The following ARHGAP15 variants were observed in gnomAD, a reference collection of about 807,000 sequenced individuals.
ARHGAP15 encodes Rho GTPase activating protein 15, also known as rho GTPase-activating protein 15.
In ARHGAP15, 51 loss-of-function variants were observed where a neutral mutation model predicts 63.7. That is an observed-to-expected ratio of 0.80 (90% CI 0.64 to 1.01). The LOEUF (loss-of-function observed/expected upper bound fraction) is 1.01, where lower values mean the gene tolerates loss of function less well. Among genes scored for constraint, ARHGAP15 ranks in the 50% least tolerant of loss-of-function variants. The probability of loss-of-function intolerance (pLI) is 0.00; values close to 1 mark genes in which losing one functional copy is unlikely to be tolerated. For synonymous variants in ARHGAP15, 191 were observed against 193.8 expected, an observed-to-expected ratio of 0.99 and a Z score of 0.12; for missense variants, 560 against 564.6, an observed-to-expected ratio of 0.99 and a Z score of 0.08.
chr2:143,326,013 C>T (rs924451940), intron 6 of ARHGAP15, among the ~76,000 whole-genome samples: 1 of 152,104 alleles, frequency 6.6e-6, no homozygotes, highest in Admixed American at 6.6e-5. Flanking sequence ...TATAGGGTCT[C>T]AGTTGAAAGG....
chr2:143,259,488 G>T (rs1574167799), intron 6 of ARHGAP15, among the ~76,000 whole-genome samples: 1 of 152,242 alleles, frequency 6.6e-6, no homozygotes, highest in East Asian at 1.9e-4. Flanking sequence ...CTAAAGTAAG[G>T]ATTGTTCTAT....
At chr2:143,687,535 A>G (rs951480212) in intron 12 of ARHGAP15, among the ~76,000 whole-genome samples, 4 of 152,200 alleles carry the variant, frequency 2.6e-5, no homozygotes, top group South Asian at 2.1e-4. Context: ...AAGTGCCCCT[A>G]CGCCCAATAA....
At chr2:143,303,807 A>T (rs1211544713) in intron 6 of ARHGAP15, among the ~76,000 whole-genome samples, 1 of 152,212 alleles carries the variant, frequency 6.6e-6, no homozygotes, top group Non-Finnish European at 1.5e-5. Context: ...ATGAACAGAC[A>T]CTTCTCAAAA....
intron 12 of ARHGAP15, among the ~76,000 whole-genome samples, chr2:143,655,408 AC>A (rs1480052392): frequency 7.7e-6 from 1 of 129,872 alleles, no homozygotes; most frequent in Non-Finnish European, 1.7e-5. Flanking sequence ...GGGCCCTGCT[AC>A]ATACTGCCAG....
chr2:143,140,638 G>A (rs187942412), intron 1 of ARHGAP15, among the ~76,000 whole-genome samples: 29 of 152,230 alleles, frequency 1.9e-4, no homozygotes, highest in African/African-American at 7.0e-4. Context: ...AGTCCTGAGA[G>A]TATAGATTGC....
chr2:143,358,339 C>T (rs1685890321), intron 6 of ARHGAP15, among the ~76,000 whole-genome samples: 1 of 152,154 alleles, frequency 6.6e-6, no homozygotes, highest in Admixed American at 6.5e-5. Context: ...AACAAGTTAT[C>T]TGTCTTGTCC....
chr2:143,434,975 C>CTCTCCCAGAGAGGT (rs2105087810), intron 6 of ARHGAP15, among the ~76,000 whole-genome samples: 1 of 152,266 alleles, frequency 6.6e-6, no homozygotes, highest in South Asian at 2.1e-4. Flanking sequence ...TTGATAAATA[C>CTCTCCCAGAGAGGT]TCTCCCAGAG....
chr2:143,346,225 C>G (rs1685282198), intron 6 of ARHGAP15, among the ~76,000 whole-genome samples: 1 of 131,152 alleles, frequency 7.6e-6, no homozygotes, highest in South Asian at 2.5e-4. Context: ...CTCTCTCACA[C>G]ACACTCTCTC....
chr2:143,472,664 A>G (rs894700784), intron 8 of ARHGAP15, among the ~76,000 whole-genome samples: 1 of 152,004 alleles, frequency 6.6e-6, no homozygotes, highest in Non-Finnish European at 1.5e-5. Flanking sequence ...CTTTTCAGCT[A>G]AGCTAGTGAA....
intron 6 of ARHGAP15, among the ~76,000 whole-genome samples, chr2:143,389,125 ATTATTATTATTTT>A (rs1332033326): frequency 6.7e-6 from 1 of 148,656 alleles, no homozygotes; most frequent in East Asian, 1.9e-4. Flanking sequence ...TATTATTATT[ATTATTATTATTTT>A]TTATTATTAT....
rs76356157 is a variant in ARHGAP15 at position 143,439,619 on chromosome 2, T to C, written c.703+2577T>C. On this transcript the variant is annotated intron_variant, in intron 8 of 13. Transcript: ENST00000295095. ...TCTTATAGCAATACATTTAATCCTC[T>C]CACCAATCCTATGAGGTAGATACTA... Among the ~76,000 whole-genome samples, 597 of 151,740 alleles carry C rather than the reference T, an allele frequency of 3.9e-3. 7 individuals carry two copies. The highest frequency in any genetic ancestry group is 0.014 in the African/African-American group (569 of 41,436).
chr2:143,725,690 T>C (rs879645951), intron 13 of ARHGAP15, among the ~76,000 whole-genome samples: 2 of 152,234 alleles, frequency 1.3e-5, no homozygotes, highest in African/African-American at 2.4e-5. Flanking sequence ...TCAAGATTTT[T>C]TAAGGACTCA....
At chr2:143,364,203 CAAA>C (rs371427810) in intron 6 of ARHGAP15, among the ~76,000 whole-genome samples, 31 of 148,354 alleles carry the variant, frequency 2.1e-4, no homozygotes, top group Middle Eastern at 3.4e-3. Context: ...ACAACAACAA[CAAA>C]AAAAAAAAAA....
chr2:143,726,424 CAAAAAAAAAA>C (rs1229372476), intron 13 of ARHGAP15, among the ~76,000 whole-genome samples: 1 of 143,278 alleles, frequency 7.0e-6, no homozygotes, highest in African/African-American at 2.6e-5. Context: ...AAAAAACAAC[CAAAAAAAAAA>C]GAAAAAAAAA....
At chr2:143,320,709 G>C (rs1209228432) in intron 6 of ARHGAP15, among the ~76,000 whole-genome samples, 1 of 151,992 alleles carries the variant, frequency 6.6e-6, no homozygotes, top group Non-Finnish European at 1.5e-5. Context: ...AGCAAAAATA[G>C]GGTAACTGCA....
chr2:143,279,630 C>G (rs1212464999), intron 6 of ARHGAP15, among the ~76,000 whole-genome samples: 1 of 152,210 alleles, frequency 6.6e-6, no homozygotes, highest in Non-Finnish European at 1.5e-5. Flanking sequence ...TTACAGAATT[C>G]TATCCTTCAA....
chr2:143,735,677 A>C (rs2105495080), intron 13 of ARHGAP15, among the ~76,000 whole-genome samples: 1 of 152,274 alleles, frequency 6.6e-6, no homozygotes, highest in Non-Finnish European at 1.5e-5. Context: ...AGGCCCACTC[A>C]ACCACACAGA....
At chr2:143,415,869 C>A (rs1688653291) in intron 6 of ARHGAP15, among the ~76,000 whole-genome samples, 1 of 152,048 alleles carries the variant, frequency 6.6e-6, no homozygotes, top group Non-Finnish European at 1.5e-5. Context: ...TGAAGTAACT[C>A]CCGAATGGAA....
intron 6 of ARHGAP15, among the ~76,000 whole-genome samples, chr2:143,251,050 T>TA (rs1366184117): frequency 3.9e-5 from 6 of 152,002 alleles, no homozygotes; most frequent in Non-Finnish European, 5.9e-5. Context: ...TGAACAGCTA[T>TA]AAAAAATAGA....
Sources: gnomAD v4.1 joint callset for allele counts (sites outside exome capture counted in the v4.1 genomes callset) on GRCh38, gnomAD v4.1.1 for gene constraint, MANE v1.5 for transcripts, NCBI Gene and HGNC (gene_info 2026-07-23, HGNC 2026-07-21) for gene names.